Variants in ST3GAL1 observed in about 807,000 individuals in gnomAD.
ST3GAL1 encodes ST3 beta-galactoside alpha-2,3-sialyltransferase 1.
In ST3GAL1, 16 loss-of-function variants were observed where a neutral mutation model predicts 34.1. The observed-to-expected ratio is 0.47, with a 90% CI of 0.32 to 0.71. The LOEUF is 0.71. Ranked by LOEUF, ST3GAL1 falls within the 30% of genes least tolerant of loss-of-function variation. The probability of loss-of-function intolerance (pLI) is 0.04; values close to 1 mark genes in which losing one functional copy is unlikely to be tolerated. For missense variants in ST3GAL1, 353 were observed against 447.4 expected, an observed-to-expected ratio of 0.79 and a Z score of 1.90; for synonymous variants, 191 against 184.7, an observed-to-expected ratio of 1.03 and a Z score of -0.28.
intron 1 of ST3GAL1, among the ~76,000 whole-genome samples, chr8:133,565,817 G>A (rs2945789): frequency 1 from 151,965 of 152,350 alleles, 75,791 homozygotes; most frequent in East Asian, 1. Flanking sequence ...CAAGGTCCCC[G>A]GCCCGGAGCA....
In ST3GAL1 at chr8:133,551,604, AAGAAAGAAAGAAAG is replaced by A. The variant is rs1301441021; in HGVS notation, c.-581-5692_-581-5679del. The stretch of plus-strand genomic sequence containing the variant: ...AAAGAAAGAAAGAAAGAAAGAAAGA[AAGAAAGAAAGAAAG>A]AGCGAGCAAGCCTTTCTCTGAGTTT... On this transcript the variant is annotated intron_variant, in intron 1 of 9. Transcript: ENST00000522652. Among the ~76,000 whole-genome samples the A allele has an allele frequency of 1.4e-3, 200 of 139,684 alleles. 1 individual carries two copies. The highest frequency in any genetic ancestry group is 5.1e-3 in the Admixed American group (74 of 14,374). The allele number at this position is 139,684 out of a possible 152,430, so 91.6% of individuals were successfully genotyped here.
intron 2 of ST3GAL1, among the ~76,000 whole-genome samples, chr8:133,544,760 C>T (rs1026049647): frequency 1.3e-5 from 2 of 152,158 alleles, no homozygotes; most frequent in Non-Finnish European, 2.9e-5. Flanking sequence ...CATACAGAGA[C>T]CACAAGATGG....
chr8:133,523,273 T>C (rs528187150), intron 2 of ST3GAL1, among the ~76,000 whole-genome samples: 4 of 151,920 alleles, frequency 2.6e-5, no homozygotes, highest in African/African-American at 9.7e-5. Flanking sequence ...CAGGTCTCAA[T>C]TCACAGACAC....
At chr8:133,492,916 G>A (rs956154383) in intron 3 of ST3GAL1, among the ~76,000 whole-genome samples, 3 of 152,146 alleles carry the variant, frequency 2.0e-5, no homozygotes, top group South Asian at 2.1e-4. Flanking sequence ...AAGTGATCAC[G>A]AGTGCTCCTC....
At chr8:133,560,223 C>T (rs1819177438) in intron 1 of ST3GAL1, among the ~76,000 whole-genome samples, 2 of 147,934 alleles carry the variant, frequency 1.4e-5, no homozygotes, top group South Asian at 4.5e-4. Context: ...CACTACGTAC[C>T]CCATAAATAT....
intron 2 of ST3GAL1, among the ~76,000 whole-genome samples, chr8:133,528,627 A>G (rs1455099798): frequency 6.6e-6 from 1 of 152,264 alleles, no homozygotes; most frequent in Non-Finnish European, 1.5e-5. Context: ...AGTTTTGTGG[A>G]ACACAAATAC....
intron 3 of ST3GAL1, among the ~76,000 whole-genome samples, chr8:133,490,862 T>A (rs552095746): frequency 1.3e-5 from 2 of 151,992 alleles, no homozygotes; most frequent in African/African-American, 2.4e-5. Context: ...CCTGTGGGAG[T>A]CTAGAGAGTG....
intron 3 of ST3GAL1, among the ~76,000 whole-genome samples, chr8:133,484,690 AT>A (rs899336769): frequency 1.3e-5 from 2 of 152,162 alleles, no homozygotes; most frequent in Non-Finnish European, 2.9e-5. Flanking sequence ...CATTTGGAGA[AT>A]CAGCCTAATA....
chr8:133,505,585 ATTTC>A (rs1171058183), intron 2 of ST3GAL1, among the ~76,000 whole-genome samples: 1 of 150,094 alleles, frequency 6.7e-6, no homozygotes, highest in Non-Finnish European at 1.5e-5. Flanking sequence ...TCACGTGGCT[ATTTC>A]TTTTCTTTCT....
chr8:133,524,701 C>T (rs1362934462), intron 2 of ST3GAL1, among the ~76,000 whole-genome samples: 1 of 152,274 alleles, frequency 6.6e-6, no homozygotes, highest in Non-Finnish European at 1.5e-5. Context: ...GGCACTGGCA[C>T]AGGTGCCAGC....
At chr8:133,540,499 C>G (rs1019290939) in intron 2 of ST3GAL1, among the ~76,000 whole-genome samples, 63 of 152,098 alleles carry the variant, frequency 4.1e-4, no homozygotes, top group Admixed American at 4.1e-3. Flanking sequence ...ACAGCAGCCA[C>G]AGCCCCCTGA....
chr8:133,511,920 GCATGCACCTGTAGTCC>G (rs1211059623), intron 2 of ST3GAL1, among the ~76,000 whole-genome samples: 1 of 152,148 alleles, frequency 6.6e-6, no homozygotes, highest in Non-Finnish European at 1.5e-5. Context: ...GGGCATGGTG[GCATGCACCTGTAGTCC>G]CAGCTATTTG....
rs1819540921 is a variant in ST3GAL1 at position 133,570,655 on chromosome 8, C to A, written c.-582+1038G>T. On this transcript the variant is annotated intron_variant, in intron 1 of 9. Coordinates refer to ENST00000522652, the MANE Select transcript of ST3GAL1 (RefSeq NM_173344.3). This position sits in a 1 kb window ranked among gnomAD's most constrained non-coding sequence, Gnocchi z 5.6. ...GTGCCAAGCCGGGGCGCAAGCTCAA[C>A]CCCCATCTCAAGTTCAGCCGCGCTT... Among the ~76,000 whole-genome samples, 3 of 152,334 alleles carry A rather than the reference C, an allele frequency of 2.0e-5. No individual in the cohort carries two copies. In the South Asian group the frequency reaches 6.2e-4, roughly 32 times the overall value.
chr8:133,544,586 C>T (rs1818625108), intron 2 of ST3GAL1, among the ~76,000 whole-genome samples: 1 of 152,168 alleles, frequency 6.6e-6, no homozygotes, highest in Non-Finnish European at 1.5e-5. Flanking sequence ...ATATCTACCC[C>T]TTGGGAACAC....
At chr8:133,463,549 T>C (rs1815595991) in intron 7 of ST3GAL1, 90 bp from the exon 8 acceptor site, 2 of 1,407,326 alleles carry the variant, frequency 1.4e-6, no homozygotes, top group Middle Eastern at 1.9e-4. Flanking sequence ...GGCTAGATAA[T>C]GAAGCAGGCA....
chr8:133,547,591 G>A (rs1818706699), intron 1 of ST3GAL1, among the ~76,000 whole-genome samples: 1 of 152,154 alleles, frequency 6.6e-6, no homozygotes, highest in South Asian at 2.1e-4. Flanking sequence ...AATGTGTGGA[G>A]AGAGGCTGAG....
At chr8:133,513,796 G>T (rs1817563853) in intron 2 of ST3GAL1, among the ~76,000 whole-genome samples, 1 of 152,124 alleles carries the variant, frequency 6.6e-6, no homozygotes, top group Admixed American at 6.5e-5. Flanking sequence ...CTACTTGGGG[G>T]GCTGAGGGAG....
chr8:133,505,280 C>CAGTATCATA (rs1817297508), intron 2 of ST3GAL1, among the ~76,000 whole-genome samples: 1 of 152,130 alleles, frequency 6.6e-6, no homozygotes, highest in Non-Finnish European at 1.5e-5. Context: ...GCTTACTCTC[C>CAGTATCATA]AGTATCATAA....
intron 2 of ST3GAL1, among the ~76,000 whole-genome samples, chr8:133,534,851 G>A (rs1433390108): frequency 6.6e-6 from 1 of 152,234 alleles, no homozygotes; most frequent in Admixed American, 6.5e-5. Context: ...CAGTCTCGGT[G>A]CTGGTGAGGG....
Sources: allele counts gnomAD v4.1 joint callset (sites outside exome capture counted in the v4.1 genomes callset), GRCh38; gene constraint gnomAD v4.1.1; non-coding constraint Gnocchi (gnomAD v3.1); transcripts MANE v1.5; gene names NCBI Gene and HGNC (gene_info 2026-07-23, HGNC 2026-07-21).